The following FTO variants were observed in gnomAD, a reference collection of about 807,000 sequenced individuals.
The protein encoded by FTO is alpha-ketoglutarate-dependent dioxygenase FTO.
FTO carries 47 observed loss-of-function variants against 63.9 expected under a neutral mutation model. That is an observed-to-expected ratio of 0.74 (90% confidence interval 0.58 to 0.94). The LOEUF is 0.94. Ranked by LOEUF, FTO falls within the 40% of genes least tolerant of loss-of-function variation. The pLI, the probability that FTO is intolerant of heterozygous loss-of-function variation, is 0.00. For synonymous variants in FTO, 207 were observed against 224.4 expected (o/e 0.92, Z 0.69); for missense variants, 562 against 618.1 (o/e 0.91, Z 0.96).
intron 1 of FTO, among the ~76,000 whole-genome samples, chr16:53,744,835 C>T (rs201206367): frequency 2.1e-4 from 3 of 14,138 alleles, no homozygotes; most frequent in African/African-American, 6.5e-4. Flanking sequence ...TCCCCCCCCC[C>T]ATATATGAAT....
At chr16:53,704,425 T>C (rs1971856218) in intron 1 of FTO, among the ~76,000 whole-genome samples, 196 bp downstream of exon 1, 1 of 152,224 alleles carries the variant, frequency 6.6e-6, no homozygotes, top group Non-Finnish European at 1.5e-5. Context: ...CCGAGTCTTG[T>C]TGGATCGGCT....
At chr16:53,932,248 G>A (rs923157810) in intron 7 of FTO, among the ~76,000 whole-genome samples, 1 of 152,148 alleles carries the variant, frequency 6.6e-6, no homozygotes, top group Non-Finnish European at 1.5e-5. Context: ...TGGAATACTG[G>A]GATAGGAGGC....
At chr16:53,731,687 C>G (rs1451937092) in intron 1 of FTO, among the ~76,000 whole-genome samples, 2 of 152,138 alleles carry the variant, frequency 1.3e-5, no homozygotes, top group African/African-American at 4.8e-5. Flanking sequence ...GCCTCAGCCT[C>G]CCGAGTAGCT....
chr16:53,797,143 C>A (rs546923564), intron 1 of FTO, among the ~76,000 whole-genome samples: 1 of 152,298 alleles, frequency 6.6e-6, no homozygotes, highest in South Asian at 2.1e-4. Flanking sequence ...GAGACAGGCA[C>A]AGAGATTTCC....
intron 7 of FTO, among the ~76,000 whole-genome samples, chr16:53,903,785 T>C (rs2081465202): frequency 6.6e-6 from 1 of 152,172 alleles, no homozygotes; most frequent in South Asian, 2.1e-4. Flanking sequence ...ACAAGTGAGA[T>C]CTATGGTAAT....
At chr16:54,034,969 C>A (rs1017943124) in intron 8 of FTO, among the ~76,000 whole-genome samples, 9 of 152,182 alleles carry the variant, frequency 5.9e-5, no homozygotes, top group African/African-American at 2.2e-4. Context: ...GGTCACTACT[C>A]TAAATAAATA....
intron 8 of FTO, among the ~76,000 whole-genome samples, chr16:54,005,248 T>C (rs1439873071): frequency 6.8e-6 from 1 of 146,948 alleles, no homozygotes; most frequent in East Asian, 2.0e-4. Flanking sequence ...ATTTTTATTT[T>C]ATTTTATATT....
chr16:53,992,014 A>G (rs2083822453), intron 8 of FTO: 3 of 152,058 alleles, frequency 2.0e-5, no homozygotes, highest in Admixed American at 2.0e-4. Context: ...TGTAACCAAG[A>G]AGGATTACAA....
At chr16:53,758,199 C>G (rs1323098326) in intron 1 of FTO, among the ~76,000 whole-genome samples, 2 of 152,148 alleles carry the variant, frequency 1.3e-5, no homozygotes, top group African/African-American at 2.4e-5. Flanking sequence ...CATATGCTGC[C>G]TAAAGGGACT....
chr16:53,841,220 C>T (rs900075017), intron 3 of FTO, among the ~76,000 whole-genome samples: 3 of 150,974 alleles, frequency 2.0e-5, no homozygotes, highest in Admixed American at 2.0e-4. Context: ...TCCACTAGGG[C>T]TCTAAAAAGC....
chr16:53,968,683 CAT>C (rs1242733644), intron 8 of FTO, among the ~76,000 whole-genome samples: 9 of 152,318 alleles, frequency 5.9e-5, no homozygotes, highest in South Asian at 2.1e-4. Flanking sequence ...TGTACCAACA[CAT>C]GTGTGTGTTG....
At chr16:53,905,874 C>T (rs1307874242) in intron 7 of FTO, among the ~76,000 whole-genome samples, 1 of 152,132 alleles carries the variant, frequency 6.6e-6, no homozygotes, top group Non-Finnish European at 1.5e-5. Context: ...CCCTTTTATG[C>T]TAGTGGTGCT....
At chr16:53,726,319 C>T (rs1465346398) in intron 1 of FTO, among the ~76,000 whole-genome samples, 1 of 152,184 alleles carries the variant, frequency 6.6e-6, no homozygotes, top group Non-Finnish European at 1.5e-5. Context: ...ACTCGTCCTT[C>T]TTAAAGATTA....
intron 8 of FTO, among the ~76,000 whole-genome samples, chr16:54,034,607 G>A (rs1011652444): frequency 6.6e-6 from 1 of 152,152 alleles, no homozygotes; most frequent in Non-Finnish European, 1.5e-5. Context: ...CAATAGGATG[G>A]TGTGAACATA....
Position 53,734,839 on chromosome 16 carries a change from G to A in FTO, c.45+30610G>A, listed in dbSNP as rs2076353689. The stretch of plus-strand genomic sequence containing the variant: ...CAGGGTAGGAAGAAGAGGATGGGAA[G>A]ATAAAAGAGAGTTTTTATATTAGGA... On this transcript the variant is annotated intron_variant, in intron 1 of 8. Coordinates refer to ENST00000471389, the MANE Select transcript of FTO (RefSeq NM_001080432.3). Among the ~76,000 whole-genome samples, 4 of 152,322 alleles carry A rather than the reference G, an allele frequency of 2.6e-5. No individual in the cohort carries two copies. In the South Asian group the frequency reaches 8.3e-4, roughly 32 times the overall value.
chr16:53,738,029 T>G (rs1435492461), intron 1 of FTO, among the ~76,000 whole-genome samples: 2 of 150,106 alleles, frequency 1.3e-5, no homozygotes, highest in African/African-American at 2.5e-5. Context: ...TCGTAGCTTT[T>G]TTTTTTTTTT....
At chr16:53,819,553 T>C (rs74719121) in intron 2 of FTO, among the ~76,000 whole-genome samples, 2,467 of 152,312 alleles carry the variant, frequency 0.016, 59 homozygotes, top group African/African-American at 0.053. Context: ...AAATTTTTAA[T>C]GGTTCTGCAT....
Position 53,988,524 on chromosome 16 carries a change from G to A in FTO, c.1364+54415G>A, listed in dbSNP as rs1384941767. Among the ~76,000 whole-genome samples the A allele has an allele frequency of 7.2e-5, 11 of 152,224 alleles. No homozygotes were observed. The East Asian group carries it at 1.9e-3, about 27-fold the overall frequency. On this transcript the variant is annotated intron_variant, in intron 8 of 8. Transcript: ENST00000471389. ...TCTGTCTTAAGTAGTATCTTAGATG[G>A]CAAGGAAAGGAAATATTCTACCCAT...
chr16:53,821,270 TAAGGA>T (rs1598746562), intron 2 of FTO, among the ~76,000 whole-genome samples: 1 of 152,196 alleles, frequency 6.6e-6, no homozygotes, highest in East Asian at 1.9e-4. Context: ...TGTTTTATAC[TAAGGA>T]CCATTCAGAG....
Sources: allele counts gnomAD v4.1 joint callset (sites outside exome capture counted in the v4.1 genomes callset), GRCh38; gene constraint gnomAD v4.1.1; transcripts MANE v1.5; gene names NCBI Gene and HGNC (gene_info 2026-07-23, HGNC 2026-07-21).